The following ARHGAP18 variants were observed in gnomAD, a reference collection of about 807,000 sequenced individuals.
The protein encoded by ARHGAP18 is Rho GTPase activating protein 18, also known as rho GTPase-activating protein 18.
In ARHGAP18, 67 loss-of-function variants were observed where a neutral mutation model predicts 86.2. The observed-to-expected ratio is 0.78, with a 90% confidence interval of 0.64 to 0.95. The LOEUF (loss-of-function observed/expected upper bound fraction) is 0.95. Ranked by LOEUF, ARHGAP18 falls within the 40% of genes least tolerant of loss-of-function variation. The probability of loss-of-function intolerance (pLI) is 0.00; values close to 1 mark genes in which losing one functional copy is unlikely to be tolerated. For missense variants in ARHGAP18, 691 were observed against 780.4 expected (o/e 0.89, Z 1.37); for synonymous variants, 283 against 280.4 (o/e 1.01, Z -0.09).
At chr6:129,709,894 T>C in intron 1 of ARHGAP18, 130 bp downstream of exon 1, 1 of 688,596 alleles carries the variant, frequency 1.5e-6, no homozygotes, top group South Asian at 1.8e-5. Context: ...CAAACGTTGC[T>C]ACTGCTGCTG....
At chr6:129,656,841 C>T (rs920566248) in intron 1 of ARHGAP18, among the ~76,000 whole-genome samples, 3 of 152,126 alleles carry the variant, frequency 2.0e-5, no homozygotes, top group African/African-American at 7.2e-5. Context: ...AAGAAGTAAT[C>T]AGTGTCCTCT....
intron 1 of ARHGAP18, among the ~76,000 whole-genome samples, chr6:129,681,276 C>G (rs1774320707): frequency 6.6e-6 from 1 of 152,186 alleles, no homozygotes; most frequent in Non-Finnish European, 1.5e-5. Context: ...CAGGGTTTTA[C>G]TATGTTGGCC....
intron 12 of ARHGAP18, among the ~76,000 whole-genome samples, chr6:129,586,176 T>G (rs1166679182): frequency 6.6e-6 from 1 of 152,216 alleles, no homozygotes; most frequent in African/African-American, 2.4e-5. Flanking sequence ...TATGGCCATT[T>G]AAGCTGTTCA....
At chr6:129,687,481 G>A (rs1774450278) in intron 1 of ARHGAP18, among the ~76,000 whole-genome samples, 1 of 152,070 alleles carries the variant, frequency 6.6e-6, no homozygotes, top group African/African-American at 2.4e-5. Context: ...CAGGACACCT[G>A]GGCTCAGGCT....
At chr6:129,599,961 A>G (rs2114447628) in intron 11 of ARHGAP18, among the ~76,000 whole-genome samples, 1 of 152,352 alleles carries the variant, frequency 6.6e-6, no homozygotes, top group Admixed American at 6.5e-5. Context: ...TTTATTAAAA[A>G]AACACATTTG....
At chr6:129,690,341 C>A (rs901649559) in intron 1 of ARHGAP18, among the ~76,000 whole-genome samples, 1 of 152,158 alleles carries the variant, frequency 6.6e-6, no homozygotes, top group African/African-American at 2.4e-5. Context: ...AAGATAGTGA[C>A]AATTAATATC....
chr6:129,660,390 A>T (rs902063170), intron 1 of ARHGAP18, among the ~76,000 whole-genome samples: 1 of 152,220 alleles, frequency 6.6e-6, no homozygotes, highest in Non-Finnish European at 1.5e-5. Flanking sequence ...TGGGTGACCA[A>T]TTAGATAAAG....
chr6:129,696,322 TAACATTTCACA>T (rs1774616155), intron 1 of ARHGAP18, among the ~76,000 whole-genome samples: 1 of 152,222 alleles, frequency 6.6e-6, no homozygotes, highest in Non-Finnish European at 1.5e-5. Context: ...AATAGCTAAC[TAACATTTCACA>T]AGAACTTCCT....
Position 129,618,680 on chromosome 6 carries a change from TG to T in ARHGAP18, c.952+6del. 1 of 1,598,614 alleles carries T rather than the reference TG, an allele frequency of 6.3e-7. No individual in the cohort carries two copies. The highest frequency in any genetic ancestry group is 8.5e-7 in the Non-Finnish European group (1 of 1,171,484). ...ATAAATCCAAGGGTTTATCATTTCATGATTACCTTTTGTTTTGATTTTCACA... is the reference window on the plus strand; with the variant it reads ...ATAAATCCAAGGGTTTATCATTTCATATTACCTTTTGTTTTGATTTTCACA... On this transcript the variant is annotated splice_donor_region_variant and intron_variant, in intron 6 of 14. Transcript: ENST00000368149.
At chr6:129,589,533 A>T (rs2114435043) in intron 12 of ARHGAP18, among the ~76,000 whole-genome samples, 1 of 152,266 alleles carries the variant, frequency 6.6e-6, no homozygotes, top group South Asian at 2.1e-4. Flanking sequence ...AAACTTTCCC[A>T]CGTCTTCCTG....
chr6:129,664,956 T>C (rs1245506075), intron 1 of ARHGAP18, among the ~76,000 whole-genome samples: 3 of 151,596 alleles, frequency 2.0e-5, no homozygotes, highest in Non-Finnish European at 2.9e-5. Flanking sequence ...GGGCAGGGAG[T>C]TTCAGCCATG....
intron 5 of ARHGAP18, among the ~76,000 whole-genome samples, chr6:129,625,157 A>AT (rs1491403524): frequency 6.7e-4 from 2 of 3,004 alleles, no homozygotes; most frequent in Admixed American, 8.9e-3. Context: ...TATTATATAG[A>AT]TATATATTAT....
At chr6:129,654,642 A>G (rs1773789625) in intron 1 of ARHGAP18, among the ~76,000 whole-genome samples, 1 of 152,212 alleles carries the variant, frequency 6.6e-6, no homozygotes, top group South Asian at 2.1e-4. Context: ...GCTACAGCCA[A>G]CGCTGTCTTG....
intron 6 of ARHGAP18, among the ~76,000 whole-genome samples, chr6:129,616,944 G>A (rs778676672): frequency 6.6e-6 from 1 of 152,084 alleles, no homozygotes; most frequent in African/African-American, 2.4e-5. Flanking sequence ...TGACAGAGCT[G>A]TCACCGTTTT....
intron 5 of ARHGAP18, among the ~76,000 whole-genome samples, chr6:129,625,576 CATTATAT>C (rs1315153960): frequency 7.8e-5 from 4 of 51,012 alleles, no homozygotes; most frequent in African/African-American, 3.1e-4. Flanking sequence ...TATCATTATA[CATTATAT>C]ATTATATATT....
At chr6:129,635,668 C>T (rs1773316861) in intron 3 of ARHGAP18, among the ~76,000 whole-genome samples, 2 of 152,186 alleles carry the variant, frequency 1.3e-5, no homozygotes, top group African/African-American at 2.4e-5. Context: ...AAGCATTTAA[C>T]ATGGAAGAGC....
At chr6:129,608,860 A>G (rs1788914465) in intron 8 of ARHGAP18, among the ~76,000 whole-genome samples, 1 of 152,168 alleles carries the variant, frequency 6.6e-6, no homozygotes, top group Non-Finnish European at 1.5e-5. Flanking sequence ...CTTGTAAGGC[A>G]AATTACCACA....
At chr6:129,682,994 T>C (rs1774348405) in intron 1 of ARHGAP18, among the ~76,000 whole-genome samples, 1 of 152,136 alleles carries the variant, frequency 6.6e-6, no homozygotes, top group Non-Finnish European at 1.5e-5. Flanking sequence ...TTTACCACCA[T>C]GGTTATTCAC....
chr6:129,579,722 T>C (rs1788248539), intron 14 of ARHGAP18, among the ~76,000 whole-genome samples: 1 of 152,228 alleles, frequency 6.6e-6, no homozygotes, highest in Admixed American at 6.5e-5. Context: ...TAAAGTGTTA[T>C]CTTAGCCTTA....
Sources: gnomAD v4.1 joint callset for allele counts (sites outside exome capture counted in the v4.1 genomes callset) on GRCh38, gnomAD v4.1.1 for gene constraint, MANE v1.5 for transcripts, NCBI Gene and HGNC (gene_info 2026-07-23, HGNC 2026-07-21) for gene names.